Variants in DGKH observed in about 807,000 individuals in gnomAD.
DGKH encodes the protein diacylglycerol kinase eta.
In DGKH, 90 loss-of-function variants were observed where a neutral mutation model predicts 159.3. The ratio of observed to expected loss-of-function variants is 0.57; its 90% CI spans 0.48 to 0.67. The LOEUF (loss-of-function observed/expected upper bound fraction) is 0.67, where lower values mean the gene tolerates loss of function less well. Ranked by LOEUF, DGKH falls within the 30% of genes least tolerant of loss-of-function variation. The pLI is 0.00. For synonymous variants in DGKH, 536 were observed against 553.8 expected, an observed-to-expected ratio of 0.97 and a Z score of 0.45; for missense variants, 1,181 against 1,506.1, an observed-to-expected ratio of 0.78 and a Z score of 3.57.
At chr13:42,075,905 G>T (rs1593991020) in intron 1 of DGKH, among the ~76,000 whole-genome samples, 1 of 152,008 alleles carries the variant, frequency 6.6e-6, no homozygotes, top group Non-Finnish European at 1.5e-5. Flanking sequence ...ATTTTTAAAG[G>T]CACCAAATCT....
At chr13:42,089,935 GA>G (rs769287694) in intron 1 of DGKH, among the ~76,000 whole-genome samples, 1 of 150,946 alleles carries the variant, frequency 6.6e-6, no homozygotes, top group East Asian at 1.9e-4. Context: ...AATTAAATTA[GA>G]AAAAAAACAA....
chr13:42,183,724 T>G (rs866257237), intron 13 of DGKH, among the ~76,000 whole-genome samples: 1 of 152,344 alleles, frequency 6.6e-6, no homozygotes, highest in Middle Eastern at 3.4e-3. Context: ...TTTGGTATGG[T>G]AATAAGAGTT....
At chr13:42,143,458 G>A (rs4942095) in intron 3 of DGKH, among the ~76,000 whole-genome samples, 142,760 of 152,190 alleles carry the variant, frequency 0.94, 67,309 homozygotes, top group Non-Finnish European at 0.98. Context: ...TGATTGGAAT[G>A]GTTTCAGAAG....
chr13:42,193,040 A>G (rs1336853857), intron 16 of DGKH, among the ~76,000 whole-genome samples: 1 of 152,138 alleles, frequency 6.6e-6, no homozygotes, highest in Non-Finnish European at 1.5e-5. Flanking sequence ...TAGATCTATT[A>G]TTTCATCCTG....
chr13:42,044,404 C>T (rs758708354), upstream of DGKH, among the ~76,000 whole-genome samples: 1 of 152,076 alleles, frequency 6.6e-6, no homozygotes, highest in African/African-American at 2.4e-5. Flanking sequence ...ATTCTCCTGC[C>T]TCAGCCTCCC....
At chr13:42,254,389 A>G (rs896654395) in intron 30 of DGKH, among the ~76,000 whole-genome samples, 4 of 152,192 alleles carry the variant, frequency 2.6e-5, no homozygotes, top group African/African-American at 9.6e-5. Context: ...GCACTTTGGG[A>G]GGCTGAGGCA....
intron 3 of DGKH, among the ~76,000 whole-genome samples, chr13:42,137,303 G>T (rs1466032325): frequency 6.6e-6 from 1 of 152,210 alleles, no homozygotes; most frequent in Non-Finnish European, 1.5e-5. Flanking sequence ...TCACTGACAA[G>T]TAAGTTGCCT....
At chr13:42,058,949 G>C (rs946502394) in intron 1 of DGKH, among the ~76,000 whole-genome samples, 6 of 152,172 alleles carry the variant, frequency 3.9e-5, no homozygotes, top group Non-Finnish European at 8.8e-5. Flanking sequence ...GAGCTTTATT[G>C]TGTTAAGTCC....
At chr13:42,054,873 T>G (rs1394608460) in intron 1 of DGKH, among the ~76,000 whole-genome samples, 1 of 152,172 alleles carries the variant, frequency 6.6e-6, no homozygotes, top group Non-Finnish European at 1.5e-5. Flanking sequence ...TATTTGTCAA[T>G]TATACCTTAG....
chr13:42,085,825 T>C (rs1954290287), intron 1 of DGKH, among the ~76,000 whole-genome samples: 1 of 152,356 alleles, frequency 6.6e-6, no homozygotes, highest in South Asian at 2.1e-4. Flanking sequence ...CTCTTTCCTC[T>C]ATGAATTTCT....
At position 42,172,063 on chromosome 13, in the gene DGKH, C is replaced by T. The variant is rs183973862; in HGVS notation, c.1368-1997C>T. ...CAGGATGGTCTTGATCTCCTGACCT[C>T]GTGATCCGCCCGCCTCGGCCTCCCA... On this transcript the variant is annotated intron_variant, in intron 11 of 29. Transcript: ENST00000337343. Among the ~76,000 whole-genome samples, 1,199 of 152,038 alleles carry T rather than the reference C, an allele frequency of 7.9e-3. 12 individuals carry two copies. Among genetic ancestry groups the T allele is most frequent in the Middle Eastern group, 0.024 (7 of 294 alleles).
intron 3 of DGKH, among the ~76,000 whole-genome samples, chr13:42,138,605 A>T (rs12876965): frequency 0.12 from 18,217 of 152,194 alleles, 1,594 homozygotes; most frequent in East Asian, 0.42. Flanking sequence ...CTTAGAGAAC[A>T]GTTTTCTAAT....
At chr13:42,140,760 A>C (rs1412864007) in intron 3 of DGKH, 1 of 152,008 alleles carries the variant, frequency 6.6e-6, no homozygotes, top group Non-Finnish European at 1.5e-5. Flanking sequence ...TCCTGTACTC[A>C]TTTAGATTGA....
At chr13:42,162,830 CT>C (rs34901359) in intron 7 of DGKH, among the ~76,000 whole-genome samples, 29,381 of 135,464 alleles carry the variant, frequency 0.22, 3,486 homozygotes, top group East Asian at 0.47. Context: ...ACATGAGTTT[CT>C]TTTTTTTTTT....
At chr13:42,046,962 G>A (rs1025916659), upstream of DGKH, among the ~76,000 whole-genome samples, 1 of 152,220 alleles carries the variant, frequency 6.6e-6, no homozygotes, top group Non-Finnish European at 1.5e-5. Context: ...ACTTGTCCAT[G>A]ACCAAACAGG....
chr13:42,122,415 A>G (rs536230937), intron 1 of DGKH, among the ~76,000 whole-genome samples: 202 of 152,328 alleles, frequency 1.3e-3, no homozygotes, highest in African/African-American at 4.5e-3. Flanking sequence ...CAGAGTCCCA[A>G]GGTTACACAG....
At chr13:42,077,571 A>G (rs1392837414) in intron 1 of DGKH, among the ~76,000 whole-genome samples, 1 of 152,264 alleles carries the variant, frequency 6.6e-6, no homozygotes, top group Non-Finnish European at 1.5e-5. Context: ...ATCCATCTGA[A>G]GCAGAATAGA....
intron 3 of DGKH, among the ~76,000 whole-genome samples, chr13:42,146,188 A>T (rs1450448465): frequency 3.1e-4 from 36 of 117,288 alleles, no homozygotes; most frequent in African/African-American, 1.2e-3. Context: ...AAGTATTCAT[A>T]TGAATGTACT....
At position 42,135,507 on chromosome 13, in the gene DGKH, A is replaced by AAAAAAAAAAAAAAAAAAAAAAG. The variant is rs71096557; in HGVS notation, c.384+5876_384+5877insAAAAAAAAAAAAAAAAAAAAGA. Among the ~76,000 whole-genome samples the AAAAAAAAAAAAAAAAAAAAAAG allele has an allele frequency of 2.1e-3, 238 of 113,312 alleles. 4 individuals carry two copies. The highest frequency in any genetic ancestry group is 2.6e-3 in the African/African-American group (92 of 35,180). 74.3% of individuals were successfully genotyped at this position (113,312 alleles called of 152,430 possible). On this transcript the variant is annotated intron_variant, in intron 3 of 29. Coordinates refer to ENST00000337343, the MANE Select transcript of DGKH (RefSeq NM_178009.5). ...CCTGTCTCAGAAAAAAAAAAAAAAA[A>AAAAAAAAAAAAAAAAAAAAAAG]AGAGAGAGAGAGAAAAAGAAAAAAA...
Sources: allele counts gnomAD v4.1 joint callset (sites outside exome capture counted in the v4.1 genomes callset), GRCh38; gene constraint gnomAD v4.1.1; transcripts MANE v1.5; gene names NCBI Gene and HGNC (gene_info 2026-07-23, HGNC 2026-07-21).